The following TRPV1 variants were observed in gnomAD, a reference collection of about 807,000 sequenced individuals.
TRPV1 encodes transient receptor potential cation channel subfamily V member 1.
Under a neutral mutation model 82.3 loss-of-function variants are expected in TRPV1, and 82 were observed. The observed-to-expected ratio is 1.00, with a 90% CI of 0.83 to 1.20. The LOEUF (loss-of-function observed/expected upper bound fraction) is 1.20, where lower values mean the gene tolerates loss of function less well. Among genes scored for constraint, TRPV1 ranks in the 50% most tolerant of loss-of-function variants. The probability of loss-of-function intolerance (pLI) is 0.00; values close to 1 mark genes in which losing one functional copy is unlikely to be tolerated. For synonymous variants in TRPV1, 515 were observed against 467.7 expected (o/e 1.10, Z -1.30); for missense variants, 1,067 against 1,096.8 (o/e 0.97, Z 0.38).
intron 10 of TRPV1, among the ~76,000 whole-genome samples, chr17:3,582,787 A>G (rs1210019604): frequency 6.6e-6 from 1 of 151,808 alleles, no homozygotes; most frequent in Non-Finnish European, 1.5e-5. Flanking sequence ...GTGAAACCCC[A>G]CCTCTACTAA....
chr17:3,588,079 C>G, intron 8 of TRPV1, 109 bp downstream of exon 8: 1 of 1,339,286 alleles, frequency 7.5e-7, no homozygotes, highest in East Asian at 2.5e-5. Context: ...GGCCCGGGCG[C>G]AGCAGGCTTT....
intron 13 of TRPV1, among the ~76,000 whole-genome samples, chr17:3,574,917 CAAAAAAAA>C (rs55990804): frequency 3.6e-5 from 3 of 82,932 alleles, no homozygotes; most frequent in Non-Finnish European, 7.1e-5. Context: ...GACTCTATCT[CAAAAAAAA>C]AAAAAAAAAA....
At chr17:3,586,835 C>T (rs2075091567) in intron 8 of TRPV1, among the ~76,000 whole-genome samples, 1 of 152,114 alleles carries the variant, frequency 6.6e-6, no homozygotes, top group African/African-American at 2.4e-5. Flanking sequence ...GAGCCAAAAT[C>T]AGATCATCCC....
chr17:3,583,722 T>G (rs1478755509), intron 9 of TRPV1, among the ~76,000 whole-genome samples: 4 of 152,168 alleles, frequency 2.6e-5, no homozygotes, highest in African/African-American at 9.7e-5. Context: ...AGCAGAGTGA[T>G]GGACAGCAGG....
rs548898102 is a variant in TRPV1 at position 3,572,235 on chromosome 17, G to T, written c.2118C>A (p.Ile706=). 152 of 1,609,428 alleles carry T rather than the reference G, an allele frequency of 9.4e-5. 2 individuals are homozygous for T. The South Asian group carries it at 1.5e-3, about 16-fold the overall frequency. The change falls in exon 15 of 17, where the codon ATC becomes ATA. Residue 706 remains isoleucine (I), a synonymous_variant. Transcript: ENST00000572705. ...NIWKLQRAIT[I]LDTEKSFLKC... ...TAAGGAAGCTCTTCTCCGTGTCCAG[G>T]ATGGTGATGGCTCTCTGCAGGAAGA...
chr17:3,567,812 T>C (rs959523865), intron 16 of TRPV1, among the ~76,000 whole-genome samples: 3 of 151,330 alleles, frequency 2.0e-5, no homozygotes, highest in African/African-American at 7.3e-5. Context: ...AAAGGTGACA[T>C]CAGGCAACCT....
intron 9 of TRPV1, among the ~76,000 whole-genome samples, chr17:3,583,844 G>A (rs918857277): frequency 2.6e-5 from 4 of 152,224 alleles, no homozygotes. Context: ...TGACCATGGA[G>A]GGAGAGACTG....
chr17:3,577,292 G>A (rs1030506578), intron 12 of TRPV1, 100 bp from the exon 13 acceptor site: 16 of 1,313,766 alleles, frequency 1.2e-5, no homozygotes, highest in Middle Eastern at 2.1e-4. Context: ...TTGAGAACGT[G>A]CAGGGCGGTT....
chr17:3,573,921 G>GTC lies in TRPV1; in HGVS notation c.1813_1814dup (p.Asp605GlufsTer65), dbSNP rs748617925. ...GCGACGTGGACTCAGACGGCAGGGA[G>GTC]TCATTCTTCCCGTCTTCAATCAGCG... is the stretch of plus-strand genomic sequence containing the variant. On this transcript the variant is annotated frameshift_variant, in exon 14 of 17. Transcript: ENST00000572705. LOFTEE classifies it high-confidence loss of function. The GTC allele has an allele frequency of 2.5e-6, 4 of 1,607,026 alleles. No homozygotes were observed. The African/African-American group carries it at 5.4e-5, about 22-fold the overall frequency.
chr17:3,580,480 C>G lies in TRPV1; in HGVS notation c.1524G>C (p.Val508=). The G allele has an allele frequency of 6.2e-7, 1 of 1,614,040 alleles. No homozygotes were observed. The highest frequency in any genetic ancestry group is 8.5e-7 in the Non-Finnish European group (1 of 1,179,900). The change falls in exon 11 of 17, where the codon GTG becomes GTC. Residue 508 remains valine, a synonymous_variant. Transcript: ENST00000572705. ...QRRPSMKTLF[V]DSYSEMLFFL... is the part of the protein sequence containing the mutation. ...ACAAAAGCATCTCACTGTAGCTGTC[C>G]ACAAACAGGGTCTTCATCGACGGCC...
At chr17:3,603,140 T>TA (rs57989945) in intron 2 of TRPV1, among the ~76,000 whole-genome samples, 56,740 of 146,320 alleles carry the variant, frequency 0.39, 12,400 homozygotes, top group East Asian at 0.67. Flanking sequence ...AAATTAAAAT[T>TA]AAAAAAAAAA....
chr17:3,591,433 C>T lies in TRPV1; in HGVS notation c.285-80G>A, dbSNP rs117112057. ...GCCTTCGGAGCTTGTCAAGGGAACA[C>T]GACTAAATCCCAAGGCAAACCAAAA... On this transcript the variant is annotated intron_variant, in intron 3 of 16. Transcript: ENST00000572705. 2.0e-3 allele frequency: 2,911 copies of T among 1,478,956 alleles called. 21 individuals carry two copies. The East Asian group carries it at 0.03, about 15-fold the overall frequency. The allele number at this position is 1,478,956 out of a possible 1,614,324, so 91.6% of individuals were successfully genotyped here.
intron 11 of TRPV1, 45 bp downstream of exon 11, chr17:3,580,412 G>A (rs200291350): frequency 5.6e-6 from 9 of 1,603,520 alleles, no homozygotes; most frequent in South Asian, 4.4e-5. Context: ...AACTGATTGC[G>A]GTCACCTGGG....
intron 2 of TRPV1, among the ~76,000 whole-genome samples, chr17:3,599,585 G>A (rs1442788640): frequency 6.6e-6 from 1 of 151,246 alleles, no homozygotes; most frequent in Non-Finnish European, 1.5e-5. Context: ...ATTTCCTCAA[G>A]GTTCATCCAT....
intron 16 of TRPV1, among the ~76,000 whole-genome samples, chr17:3,571,070 C>T (rs2074845859): frequency 6.6e-6 from 1 of 152,224 alleles, no homozygotes; most frequent in African/African-American, 2.4e-5. Context: ...ACCCTCCCCT[C>T]TTCTCCACCT....
Position 3,590,337 on chromosome 17 carries a change from G to C in TRPV1, c.660C>G (p.Leu220=). The C allele has an allele frequency of 6.2e-7, 1 of 1,614,006 alleles. No individual in the cohort carries two copies. Among genetic ancestry groups the C allele is most frequent in the Non-Finnish European group, 8.5e-7 (1 of 1,179,898 alleles). ...GGACGTCTGCTCCGTTCTCCACCAG[G>C]AGGGTCACCAGGGCCATGTTGCGTC... The part of the protein sequence containing the change: ...IERRNMALVT[L]LVENGADVQA... Residue 220 remains leucine, a synonymous_variant, in exon 6 of 17, where the codon CTC becomes CTG. Transcript: ENST00000572705.
At chr17:3,580,321 A>G in intron 11 of TRPV1, 136 bp downstream of exon 11, 1 of 871,062 alleles carries the variant, frequency 1.1e-6, no homozygotes, top group East Asian at 2.5e-5. Context: ...GTATGTATTC[A>G]GTGCCTTCCG....
rs568941047 is a variant in TRPV1 at position 3,588,122 on chromosome 17, G to A, written c.1224+66C>T. The A allele has an allele frequency of 7.8e-5, 118 of 1,510,640 alleles. No homozygotes were observed. The African/African-American group carries it at 1.5e-3, about 19-fold the overall frequency. The allele number at this position is 1,510,640 out of a possible 1,614,324, so 93.6% of individuals were successfully genotyped here. Reference sequence around the variant, plus strand: ...GAGAAGCCAGCTGGAGCTGGACCAGGGGCTGGGATTGGGGCTTGGGTGCAG... The same window carrying A: ...GAGAAGCCAGCTGGAGCTGGACCAGAGGCTGGGATTGGGGCTTGGGTGCAG... On this transcript the variant is annotated intron_variant, in intron 8 of 16. Coordinates refer to ENST00000572705, the MANE Select transcript of TRPV1 (RefSeq NM_080704.4).
intron 9 of TRPV1, 115 bp from the exon 10 acceptor site, chr17:3,583,545 A>C: frequency 1.2e-6 from 1 of 861,818 alleles, no homozygotes; most frequent in Non-Finnish European, 1.8e-6. Flanking sequence ...CCATCAGGGG[A>C]AGGACACACA....
Sources: allele counts gnomAD v4.1 joint callset (sites outside exome capture counted in the v4.1 genomes callset), GRCh38; gene constraint gnomAD v4.1.1; transcripts MANE v1.5; gene names NCBI Gene and HGNC (gene_info 2026-07-23, HGNC 2026-07-21).